Variants in EBF2 observed in about 807,000 individuals in gnomAD.
The protein encoded by EBF2 is transcription factor COE2.
In EBF2, 21 loss-of-function variants were observed where a neutral mutation model predicts 72.8. That is an observed-to-expected ratio of 0.29 (90% CI 0.20 to 0.42). EBF2 has a LOEUF of 0.42. Among genes scored for constraint, EBF2 ranks in the 10% least tolerant of loss-of-function variants. EBF2 has a pLI of 1.00. For missense variants in EBF2, 637 were observed against 731.2 expected (o/e 0.87, Z 1.49); for synonymous variants, 299 against 274.2 (o/e 1.09, Z -0.89).
intron 6 of EBF2, among the ~76,000 whole-genome samples, chr8:25,935,355 G>C (rs969379397): frequency 6.6e-5 from 10 of 152,122 alleles, no homozygotes; most frequent in Non-Finnish European, 1.2e-4. Flanking sequence ...TACAACATGG[G>C]GTTCCCTTAG....
At chr8:25,976,889 A>T (rs1804277209) in intron 6 of EBF2, among the ~76,000 whole-genome samples, 1 of 152,204 alleles carries the variant, frequency 6.6e-6, no homozygotes, top group Non-Finnish European at 1.5e-5. Flanking sequence ...GCTTGTCAAC[A>T]TCAGACTGTT....
chr8:25,850,167 C>T (rs1563373455), intron 15 of EBF2, among the ~76,000 whole-genome samples: 1 of 152,166 alleles, frequency 6.6e-6, no homozygotes, highest in African/African-American at 2.4e-5. Flanking sequence ...GGCTGGAGTG[C>T]AATGGCGCGA....
chr8:26,042,393 AT>A, intron 1 of EBF2, 142 bp from the exon 2 acceptor site: 1 of 1,090,932 alleles, frequency 9.2e-7, no homozygotes, highest in Non-Finnish European at 1.3e-6. Flanking sequence ...CTTTTTTCCA[AT>A]TCGGATAAGG....
At chr8:25,870,970 A>G (rs1802429338) in intron 10 of EBF2, among the ~76,000 whole-genome samples, 1 of 152,154 alleles carries the variant, frequency 6.6e-6, no homozygotes, top group Admixed American at 6.5e-5. Context: ...CATTTAATCA[A>G]GTGCACATTG....
chr8:25,902,997 T>C (rs1026309885), intron 7 of EBF2, among the ~76,000 whole-genome samples: 28 of 152,184 alleles, frequency 1.8e-4, no homozygotes, highest in African/African-American at 6.5e-4. Flanking sequence ...TTCTCAGCCA[T>C]GCCTTTTTAA....
At chr8:25,975,762 C>G (rs1208340928) in intron 6 of EBF2, among the ~76,000 whole-genome samples, 2 of 152,090 alleles carry the variant, frequency 1.3e-5, no homozygotes, top group Non-Finnish European at 2.9e-5. Context: ...TACAGTAACT[C>G]TACAGTATCC....
rs570397968 is a variant in EBF2, at chr8:25,922,725, A to T, written c.552-14170T>A. Among the ~76,000 whole-genome samples, 125 of 152,318 alleles carry T rather than the reference A, an allele frequency of 8.2e-4. 1 individual carries two copies. Among genetic ancestry groups the T allele is most frequent in the African/African-American group, 2.9e-3 (122 of 41,574 alleles). ...CTGCCTTTGAAAGGAGTGCTGATAA[A>T]CCAAATGAGCCCTCTCAAGCTCTTT... On this transcript the variant is annotated intron_variant, in intron 6 of 15. Coordinates refer to ENST00000520164, the MANE Select transcript of EBF2 (RefSeq NM_022659.4).
chr8:25,954,066 G>A (rs927482341), intron 6 of EBF2, among the ~76,000 whole-genome samples: 1 of 151,944 alleles, frequency 6.6e-6, no homozygotes, highest in Non-Finnish European at 1.5e-5. Flanking sequence ...GCAGAGACTC[G>A]GGAAAAAAAG....
At chr8:25,858,650 G>C in intron 13 of EBF2, 146 bp from the exon 14 acceptor site, 8 of 224,258 alleles carry the variant, frequency 3.6e-5, no homozygotes, top group East Asian at 2.2e-4. Flanking sequence ...TCCATCTTTA[G>C]CTTTTTTTTT....
rs541707265 is a variant in EBF2 at position 25,985,445 on chromosome 8, C to T, written c.551+47640G>A. 4.0e-4 allele frequency among the ~76,000 whole-genome samples: 61 copies of T among 152,244 alleles called. 1 individual carries two copies. In the Middle Eastern group the frequency reaches 0.014, roughly 34 times the overall value. On this transcript the variant is annotated intron_variant, in intron 6 of 15. Coordinates refer to ENST00000520164, the MANE Select transcript of EBF2 (RefSeq NM_022659.4). ...TCCAGAGTCAGCCTCGCTCTAATGA[C>T]GATGCCAGGCACATACTTGAGAACA...
intron 15 of EBF2, among the ~76,000 whole-genome samples, chr8:25,847,466 C>A (rs916429827): frequency 1.3e-5 from 2 of 152,202 alleles, no homozygotes; most frequent in African/African-American, 4.8e-5. Flanking sequence ...ACTGAGCTTC[C>A]ATGCACCTGG....
At chr8:26,032,589 T>C (rs1805428243) in intron 6 of EBF2, 2 of 152,996 alleles carry the variant, frequency 1.3e-5, no homozygotes, top group African/African-American at 4.8e-5. Context: ...CCATTCTGAA[T>C]ATAACATAGA....
chr8:25,978,276 G>C (rs985517272), intron 6 of EBF2, among the ~76,000 whole-genome samples: 5 of 87,634 alleles, frequency 5.7e-5, no homozygotes, highest in African/African-American at 2.1e-4. Context: ...CTCGGGTTGG[G>C]GGTAACGTGG....
At chr8:26,030,603 AC>A (rs1458244386) in intron 6 of EBF2, among the ~76,000 whole-genome samples, 6 of 152,140 alleles carry the variant, frequency 3.9e-5, no homozygotes, top group Admixed American at 2.0e-4. Context: ...AGCAAGCCAA[AC>A]AAATGGATCT....
intron 6 of EBF2, among the ~76,000 whole-genome samples, chr8:25,917,088 G>A (rs1803229999): frequency 6.6e-6 from 1 of 152,072 alleles, no homozygotes; most frequent in Non-Finnish European, 1.5e-5. Context: ...GGCTGCTGAA[G>A]TGCAAAAACA....
At chr8:26,013,166 C>G (rs1458148404) in intron 6 of EBF2, among the ~76,000 whole-genome samples, 5 of 152,206 alleles carry the variant, frequency 3.3e-5, no homozygotes, top group African/African-American at 1.2e-4. Flanking sequence ...CCCCAAACTT[C>G]ACACTGAAAT....
chr8:25,983,659 C>CCGGCCCCAG (rs1286981364), intron 6 of EBF2, among the ~76,000 whole-genome samples: 1 of 152,186 alleles, frequency 6.6e-6, no homozygotes. Context: ...TTCACCCCAG[C>CCGGCCCCAG]CGGCCCCAGC....
At chr8:25,913,309 C>T (rs1276228172) in intron 6 of EBF2, among the ~76,000 whole-genome samples, 1 of 151,984 alleles carries the variant, frequency 6.6e-6, no homozygotes, top group Non-Finnish European at 1.5e-5. Context: ...GGCGTGGTGG[C>T]ATGCACCTGT....
chr8:25,947,243 G>T (rs1740904577), intron 6 of EBF2, among the ~76,000 whole-genome samples: 1 of 152,202 alleles, frequency 6.6e-6, no homozygotes, highest in Non-Finnish European at 1.5e-5. Context: ...GCATGATAGT[G>T]AGTAAATCTC....
Sources: gnomAD v4.1 joint callset for allele counts (sites outside exome capture counted in the v4.1 genomes callset) on GRCh38, gnomAD v4.1.1 for gene constraint, MANE v1.5 for transcripts, NCBI Gene and HGNC (gene_info 2026-07-23, HGNC 2026-07-21) for gene names.